Variants in OPCML observed in about 807,000 individuals in gnomAD.
OPCML encodes the protein opioid binding protein/cell adhesion molecule like.
A neutral mutation model predicts 37.8 loss-of-function variants in OPCML; 13 were observed. The ratio of observed to expected loss-of-function variants is 0.34; its 90% CI spans 0.22 to 0.55. The LOEUF is 0.55. OPCML is among the 20% of genes least tolerant of loss of function. The pLI is 0.91. For synonymous variants in OPCML, 176 were observed against 168.8 expected, an observed-to-expected ratio of 1.04 and a Z score of -0.33; for missense variants, 341 against 435.6, an observed-to-expected ratio of 0.78 and a Z score of 1.93.
At chr11:132,617,990 T>C (rs1241198791) in intron 3 of OPCML, among the ~76,000 whole-genome samples, 2 of 152,216 alleles carry the variant, frequency 1.3e-5, no homozygotes, top group East Asian at 3.9e-4. Flanking sequence ...TCCAGCTTCT[T>C]ACAGCCGCAG....
chr11:132,743,894 G>A (rs995469639), intron 2 of OPCML, among the ~76,000 whole-genome samples: 1 of 152,138 alleles, frequency 6.6e-6, no homozygotes, highest in Non-Finnish European at 1.5e-5. Flanking sequence ...AACTCAGATC[G>A]CATTCTAGCA....
intron 1 of OPCML, among the ~76,000 whole-genome samples, chr11:133,008,695 C>T (rs1404968862): frequency 6.6e-6 from 1 of 152,192 alleles, no homozygotes; most frequent in Non-Finnish European, 1.5e-5. Flanking sequence ...AAGGCCATTG[C>T]TGCACCAGAA....
At chr11:133,144,079 T>C (rs1004780903) in intron 1 of OPCML, among the ~76,000 whole-genome samples, 1 of 152,220 alleles carries the variant, frequency 6.6e-6, no homozygotes, top group Admixed American at 6.5e-5. Flanking sequence ...TTCTCTCCTC[T>C]GAGAGAGGAC....
At chr11:132,557,542 T>G (rs2096398584) in intron 3 of OPCML, among the ~76,000 whole-genome samples, 1 of 152,210 alleles carries the variant, frequency 6.6e-6, no homozygotes, top group Non-Finnish European at 1.5e-5. Flanking sequence ...ATGGCTCCCA[T>G]GCCTATTTGA....
chr11:133,140,701 A>C (rs993964445), intron 1 of OPCML, among the ~76,000 whole-genome samples: 3 of 42,632 alleles, frequency 7.0e-5, no homozygotes, highest in African/African-American at 1.2e-4. Context: ...AGACGGAAGA[A>C]GAAGACGGAA....
chr11:133,075,667 A>G (rs1408666338), intron 1 of OPCML, among the ~76,000 whole-genome samples: 4 of 152,140 alleles, frequency 2.6e-5, no homozygotes, highest in East Asian at 1.9e-4. Flanking sequence ...AGATCTGACA[A>G]TTTAATCAGG....
chr11:133,334,546 T>C (rs965700058), intron 1 of OPCML, among the ~76,000 whole-genome samples: 26 of 152,208 alleles, frequency 1.7e-4, no homozygotes, highest in Admixed American at 3.3e-4. Context: ...TATTGGGTAC[T>C]GAGCTTAACA....
chr11:132,722,714 C>T (rs1475290462), intron 2 of OPCML, among the ~76,000 whole-genome samples: 2 of 151,906 alleles, frequency 1.3e-5, no homozygotes, highest in African/African-American at 4.8e-5. Flanking sequence ...GGAGGGAGAC[C>T]CGTGGGTCAA....
chr11:133,251,226 T>A (rs569251211), intron 1 of OPCML, among the ~76,000 whole-genome samples: 2 of 152,184 alleles, frequency 1.3e-5, no homozygotes, highest in African/African-American at 4.8e-5. Context: ...AGAAGCCTCT[T>A]TATAGAGACT....
At chr11:133,063,962 G>A (rs1356240570) in intron 1 of OPCML, among the ~76,000 whole-genome samples, 1 of 152,248 alleles carries the variant, frequency 6.6e-6, no homozygotes, top group Non-Finnish European at 1.5e-5. Flanking sequence ...TGTCAGCCGG[G>A]ATTGATCACT....
At chr11:133,453,064 G>A (rs566426863) in intron 1 of OPCML, among the ~76,000 whole-genome samples, 28 of 152,228 alleles carry the variant, frequency 1.8e-4, no homozygotes, top group South Asian at 4.1e-4. Context: ...GAGACACATC[G>A]AACTGGATGC....
chr11:133,333,348 C>T (rs1337837874), intron 1 of OPCML, among the ~76,000 whole-genome samples: 3 of 151,924 alleles, frequency 2.0e-5, no homozygotes, highest in African/African-American at 7.3e-5. Flanking sequence ...CATAACACAA[C>T]CATCTGATTT....
chr11:132,844,217 G>T (rs1169732263), intron 2 of OPCML, among the ~76,000 whole-genome samples: 1 of 152,152 alleles, frequency 6.6e-6, no homozygotes, highest in African/African-American at 2.4e-5. Context: ...TCTGTAAATT[G>T]CCCAGTCTCG....
chr11:132,983,943 A>T (rs1003791204), intron 1 of OPCML, among the ~76,000 whole-genome samples: 4 of 152,220 alleles, frequency 2.6e-5, no homozygotes, highest in African/African-American at 9.7e-5. Flanking sequence ...CCACTTTGTC[A>T]GGTTCTAATC....
chr11:133,423,489 G>A, intron 1 of OPCML: 4 of 985,394 alleles, frequency 4.1e-6, no homozygotes, highest in Non-Finnish European at 4.8e-6. Context: ...CTGGCAACAA[G>A]CAGTCATAGA....
chr11:132,787,414 T>C (rs1046927105), intron 2 of OPCML, among the ~76,000 whole-genome samples: 14 of 152,348 alleles, frequency 9.2e-5, no homozygotes, highest in African/African-American at 2.6e-4. Flanking sequence ...AAAAGCACTT[T>C]ATGAATATTT....
At chr11:132,785,809 TC>T (rs1947190064) in intron 2 of OPCML, among the ~76,000 whole-genome samples, 1 of 152,148 alleles carries the variant, frequency 6.6e-6, no homozygotes, top group Non-Finnish European at 1.5e-5. Context: ...GATACACAGA[TC>T]CCAACCTACA....
chr11:132,626,470 T>C (rs1435912538), intron 3 of OPCML, among the ~76,000 whole-genome samples: 1 of 152,064 alleles, frequency 6.6e-6, no homozygotes, highest in Non-Finnish European at 1.5e-5. Flanking sequence ...GGGAAAGAAA[T>C]AAGATTAATA....
At chr11:133,022,260 G>A (rs767230295) in intron 1 of OPCML, among the ~76,000 whole-genome samples, 2 of 152,086 alleles carry the variant, frequency 1.3e-5, no homozygotes, top group African/African-American at 2.4e-5. Flanking sequence ...TATGAGTCCC[G>A]ATGGCACACT....
Sources: allele counts gnomAD v4.1 joint callset (sites outside exome capture counted in the v4.1 genomes callset), GRCh38; gene constraint gnomAD v4.1.1; transcripts MANE v1.5; gene names NCBI Gene and HGNC (gene_info 2026-07-23, HGNC 2026-07-21).